Variants in SKIC3 observed in about 807,000 individuals in gnomAD.
SKIC3 encodes SKI3 subunit of superkiller complex, also known as superkiller complex protein 3.
the SKIC3 span, among the ~76,000 whole-genome samples, chr5:95,489,452 T>C: frequency 6.7e-6 from 1 of 149,994 alleles, no homozygotes; most frequent in Non-Finnish European, 1.5e-5. Flanking sequence ...AGCAGTATAG[T>C]GTTAGTTGAA....
At chr5:95,533,741 T>C in the SKIC3 span, among the ~76,000 whole-genome samples, 1 of 152,202 alleles carries the variant, frequency 6.6e-6, no homozygotes, top group African/African-American at 2.4e-5. Context: ...CACTTTCTAA[T>C]CAATCAGTAT....
chr5:95,525,081 A>T, the SKIC3 span, among the ~76,000 whole-genome samples: 1 of 152,118 alleles, frequency 6.6e-6, no homozygotes, highest in East Asian at 1.9e-4. Flanking sequence ...ATGGGGTTTC[A>T]TCGTGTTGCC....
At chr5:95,514,345 C>T in the SKIC3 span, among the ~76,000 whole-genome samples, 1 of 151,904 alleles carries the variant, frequency 6.6e-6, no homozygotes, top group African/African-American at 2.4e-5. Flanking sequence ...AGACTAGTAA[C>T]AAAGTATCCT....
chr5:95,467,495 T>C, the SKIC3 span, among the ~76,000 whole-genome samples: 1 of 152,144 alleles, frequency 6.6e-6, no homozygotes, highest in East Asian at 1.9e-4. Flanking sequence ...AGGCATCTTG[T>C]ACATATACAG....
chr5:95,539,601 T>A, the SKIC3 span, among the ~76,000 whole-genome samples: 1 of 152,198 alleles, frequency 6.6e-6, no homozygotes, highest in South Asian at 2.1e-4. Flanking sequence ...CCCAACACTT[T>A]GGGGGGCTGA....
chr5:95,541,748 G>T, the SKIC3 span: 8 of 1,132,186 alleles, frequency 7.1e-6, no homozygotes, highest in Admixed American at 1.9e-5. Context: ...ACTTCTACAT[G>T]ATTTTTAATC....
At chr5:95,512,592 A>G in the SKIC3 span, 24 of 1,613,876 alleles carry the variant, frequency 1.5e-5, no homozygotes, top group East Asian at 1.8e-4. Flanking sequence ...TGCAGACCCA[A>G]TACGCATAAC....
the SKIC3 span, chr5:95,490,968 T>C: frequency 6.2e-7 from 1 of 1,614,164 alleles, no homozygotes; most frequent in Non-Finnish European, 8.5e-7. Flanking sequence ...GGCTGAGTGT[T>C]GTTCACTAAG....
At chr5:95,492,652 GAAAAAAAAAAAAAAAAAAAAA>G in the SKIC3 span, among the ~76,000 whole-genome samples, 24 of 48,846 alleles carry the variant, frequency 4.9e-4, no homozygotes, top group South Asian at 1.7e-3. Flanking sequence ...AAAAAAAAAA[GAAAAAAAAAAAAAAAAAAAAA>G]AAAAAAAAAA....
chr5:95,484,917 C>T, the SKIC3 span: 1 of 1,535,848 alleles, frequency 6.5e-7, no homozygotes, highest in South Asian at 1.1e-5. Context: ...TAACTGGTTG[C>T]TAAAAAATTA....
chr5:95,529,333 G>A, the SKIC3 span: 3 of 573,174 alleles, frequency 5.2e-6, no homozygotes, highest in Admixed American at 8.4e-5. Flanking sequence ...ACAAGTGCTT[G>A]CCATCCACCC....
chr5:95,543,162 G>GAA, the SKIC3 span: 1 of 1,550,532 alleles, frequency 6.4e-7, no homozygotes, highest in Non-Finnish European at 8.8e-7. Flanking sequence ...CCATAATACA[G>GAA]AAAAAAAAAA....
the SKIC3 span, chr5:95,495,116 G>C: frequency 8.3e-7 from 1 of 1,201,664 alleles, no homozygotes; most frequent in Admixed American, 1.8e-5. Context: ...TCACTGGAAA[G>C]GTTCAGTTTT....
the SKIC3 span, among the ~76,000 whole-genome samples, chr5:95,465,601 T>G: frequency 6.6e-6 from 1 of 152,342 alleles, no homozygotes; most frequent in Admixed American, 6.5e-5. Flanking sequence ...ACAGGATTTT[T>G]AGGTCACAGA....
chr5:95,541,442 C>T, the SKIC3 span: 10 of 1,513,594 alleles, frequency 6.6e-6, no homozygotes, highest in Non-Finnish European at 9.2e-6. Flanking sequence ...TAAAAATAAC[C>T]AAGGACTTAA....
chr5:95,476,722 G>A, the SKIC3 span, among the ~76,000 whole-genome samples: 1 of 152,104 alleles, frequency 6.6e-6, no homozygotes, highest in Non-Finnish European at 1.5e-5. Flanking sequence ...GTAAATGGCA[G>A]AACCAGAACA....
At chr5:95,526,469 C>CT in the SKIC3 span, among the ~76,000 whole-genome samples, 9,520 of 145,332 alleles carry the variant, frequency 0.066, 354 homozygotes, top group East Asian at 0.12. Flanking sequence ...GTCTGACTGT[C>CT]TTTTTTTTTT....
At chr5:95,495,099 C>A in the SKIC3 span, 1 of 1,337,448 alleles carries the variant, frequency 7.5e-7, no homozygotes, top group Non-Finnish European at 1.1e-6. Flanking sequence ...AAGACCTTTC[C>A]ACTAAATCAC....
At chr5:95,546,834 G>A in the SKIC3 span, 4 of 537,676 alleles carry the variant, frequency 7.4e-6, no homozygotes, top group African/African-American at 5.7e-5. Flanking sequence ...GGATATTCAG[G>A]TTTTAAGAAC....
Sources: gnomAD v4.1 joint callset for allele counts (sites outside exome capture counted in the v4.1 genomes callset) on GRCh38, gnomAD v4.1.1 for gene constraint, MANE v1.5 for transcripts, NCBI Gene and HGNC (gene_info 2026-07-23, HGNC 2026-07-21) for gene names.